SYT5: variants seen among roughly 807,000 people sequenced by gnomAD.
SYT5 encodes synaptotagmin-5.
SYT5 carries 29 observed loss-of-function variants against 36.0 expected under a neutral mutation model. The observed-to-expected ratio is 0.81, with a 90% CI of 0.60 to 1.10. The LOEUF is 1.10. Ranked by LOEUF, SYT5 falls within the 50% of genes least tolerant of loss-of-function variation. SYT5 has a pLI of 0.00. For missense variants in SYT5, 512 were observed against 516.0 expected (o/e 0.99, Z 0.08); for synonymous variants, 231 against 227.6 (o/e 1.02, Z -0.14).
In SYT5 at chr19:55,172,951, G is replaced by A. The variant is rs1456068862; in HGVS notation, c.*533C>T. ...AGGAATGAACGGGTGAGAGTGTGAG[G>A]GAGTCCATGGGGTCAGGCCAGTCTC... is the stretch of plus-strand genomic sequence containing the variant. On this transcript the variant is annotated 3_prime_UTR_variant, in exon 9 of 9. Transcript: ENST00000354308. The A allele has an allele frequency of 1.3e-5, 2 of 152,816 alleles. No homozygotes were observed. The highest frequency in any genetic ancestry group is 1.9e-4 in the East Asian group (1 of 5,212). The allele number at this position is 152,816 out of a possible 1,614,324, so 9.5% of individuals were successfully genotyped here.
chr19:55,174,825 A>G lies in SYT5; in HGVS notation c.826+57T>C, dbSNP rs576636523. The G allele has an allele frequency of 8.2e-6, 13 of 1,590,344 alleles. No homozygotes were observed. The African/African-American group carries it at 1.6e-4, about 20-fold the overall frequency. On this transcript the variant is annotated intron_variant, in intron 7 of 8. Coordinates refer to ENST00000354308, the MANE Select transcript of SYT5 (RefSeq NM_003180.3). ...ACCCTCGAGGCTCAGAAACTGTCAG[A>G]ACGAGAACCCACCCCACGCCATCCC... is the stretch of plus-strand genomic sequence containing the variant.
chr19:55,176,839 C>T (rs571743159), intron 3 of SYT5, among the ~76,000 whole-genome samples: 1 of 152,250 alleles, frequency 6.6e-6, no homozygotes, highest in South Asian at 2.1e-4. Context: ...TGAACAGCTC[C>T]TTATTGAGAA....
Position 55,174,558 on chromosome 19 carries a change from T to C in SYT5, c.919A>G (p.Asn307Asp). 6.2e-7 allele frequency: 1 copy of C among 1,614,100 alleles called. No individual in the cohort carries two copies. Residue 307 changes from asparagine to aspartate, a missense_variant, in exon 8 of 9, where the codon AAC (asparagine) becomes GAC (aspartate). By Grantham distance (23) the Asn-to-Asp change is conservative (BLOSUM62 1). Transcript: ENST00000354308. The part of the protein sequence containing the change: ...IKKNTLNPYY[N>D]EAFSFEVPCD... ...GGCACCTCGAAGCTGAAAGCTTCGT[T>C]GTAATAGGGGTTCAGAGTGTTCTTC... is the stretch of plus-strand genomic sequence containing the variant.
chr19:55,178,474 G>C (rs986894242), intron 2 of SYT5, 106 bp from the exon 3 acceptor site: 3 of 1,304,652 alleles, frequency 2.3e-6, no homozygotes, highest in African/African-American at 3.0e-5. Flanking sequence ...TTTCCCTCCA[G>C]CCATTTTCAT....
At position 55,179,504 on chromosome 19, in the gene SYT5, G is replaced by C. The variant is rs1398487144; in HGVS notation, c.-45-418C>G. On this transcript the variant is annotated intron_variant, in intron 1 of 8. Transcript: ENST00000354308. This position sits in a 1 kb window ranked among gnomAD's most constrained non-coding sequence, Gnocchi z 4.5. ...GGCGGGGCTGACGCACAGACGCGGA[G>C]TCCCGGCGGGGCAGGCTCGCTCCGG... 1.4e-5 allele frequency: 4 copies of C among 288,032 alleles called. No homozygotes were observed. The East Asian group carries it at 2.3e-4, about 17-fold the overall frequency. 17.8% of individuals were successfully genotyped at this position (288,032 alleles called of 1,614,324 possible). A position where few individuals can be genotyped will look rare whatever the true frequency, so the allele number is the denominator to read the frequency against.
rs56973053 is a variant in SYT5 at position 55,171,305 on chromosome 19, CCACACACACA to C, written c.*2169_*2178del. ...GTCTTCATAAAGACATGCTCTACAG[CCACACACACA>C]CACACACACACACACACACACACAC... On this transcript the variant is annotated 3_prime_UTR_variant, in exon 9 of 9. Transcript: ENST00000354308. The C allele has an allele frequency of 0.17, 25,368 of 145,182 alleles. 2,242 individuals carry two copies. Among genetic ancestry groups the C allele is most frequent in the African/African-American group, 0.23 (9,250 of 40,270 alleles). The allele number at this position is 145,182 out of a possible 1,614,324, so 9.0% of individuals were successfully genotyped here. A position where few individuals can be genotyped will look rare whatever the true frequency, so the allele number is the denominator to read the frequency against.
At position 55,175,984 on chromosome 19, in the gene SYT5, T is replaced by C. The variant is rs77500505; in HGVS notation, c.372+21A>G. On this transcript the variant is annotated intron_variant, in intron 4 of 8. Coordinates refer to ENST00000354308, the MANE Select transcript of SYT5 (RefSeq NM_003180.3). The surrounding 1 kb of genome is among the most constrained non-coding windows in gnomAD (Gnocchi z 4.5). ...ACCCCCGGGATCCTCCCTCCAAAGCTTCCCCTTCCTCCACACCCACCTGGC... is the reference window on the plus strand; with the variant it reads ...ACCCCCGGGATCCTCCCTCCAAAGCCTCCCCTTCCTCCACACCCACCTGGC... 6.2e-7 allele frequency: 1 copy of C among 1,613,790 alleles called. No homozygotes were observed. The highest frequency in any genetic ancestry group is 8.5e-7 in the Non-Finnish European group (1 of 1,179,960).
Position 55,173,854 on chromosome 19 carries a change from G to A in SYT5, c.961-170C>T, listed in dbSNP as rs1015875063. 3.4e-6 allele frequency: 2 copies of A among 581,020 alleles called. No homozygotes were observed. Among genetic ancestry groups the A allele is most frequent in the Non-Finnish European group, 5.3e-6 (2 of 379,040 alleles). The allele number at this position is 581,020 out of a possible 1,614,324, so 36.0% of individuals were successfully genotyped here. On this transcript the variant is annotated intron_variant, in intron 8 of 8. Coordinates refer to ENST00000354308, the MANE Select transcript of SYT5 (RefSeq NM_003180.3). The surrounding 1 kb of genome is among the most constrained non-coding windows in gnomAD (Gnocchi z 5.4). ...GGGAGACGAGAGGGACGGAGCCTGCGGCGAGGAGGAGGCTCTGGCGCCTTT... is the reference window on the plus strand; with the variant it reads ...GGGAGACGAGAGGGACGGAGCCTGCAGCGAGGAGGAGGCTCTGGCGCCTTT...
intron 2 of SYT5, 125 bp downstream of exon 2, chr19:55,178,838 A>G: frequency 9.8e-7 from 1 of 1,018,674 alleles, no homozygotes; most frequent in Non-Finnish European, 1.2e-6. Flanking sequence ...GTCCAGGATG[A>G]CGACCCGGGA....
chr19:55,179,563 C>A lies in SYT5; in HGVS notation c.-45-477G>T. The A allele has an allele frequency of 5.1e-6, 1 of 194,286 alleles. No homozygotes were observed. Among genetic ancestry groups the A allele is most frequent in the Non-Finnish European group, 1.0e-5 (1 of 95,788 alleles). 12.0% of individuals were successfully genotyped at this position (194,286 alleles called of 1,614,324 possible). A position where few individuals can be genotyped will look rare whatever the true frequency, so the allele number is the denominator to read the frequency against. On this transcript the variant is annotated intron_variant, in intron 1 of 8. Transcript: ENST00000354308. This position sits in a 1 kb window ranked among gnomAD's most constrained non-coding sequence, Gnocchi z 4.5. Reference sequence around the variant, plus strand: ...GGTGCCTGGGAACCCCCCAATAGCCCGACTGGGATCCTGAGGTCCCGCGAG... The same window carrying A: ...GGTGCCTGGGAACCCCCCAATAGCCAGACTGGGATCCTGAGGTCCCGCGAG...
intron 3 of SYT5, among the ~76,000 whole-genome samples, chr19:55,177,914 C>T (rs553034087): frequency 6.6e-6 from 1 of 152,318 alleles, no homozygotes; most frequent in African/African-American, 2.4e-5. Context: ...CTTTTCTGTG[C>T]TCCTATGAGA....
chr19:55,174,726 C>T lies in SYT5; in HGVS notation c.827-76G>A. ...ACCAACATAGAAACACTGCCTACAC[C>T]CTTCGGGTCTCCCTAGCTCTATGCC... is the stretch of plus-strand genomic sequence containing the variant. On this transcript the variant is annotated intron_variant, in intron 7 of 8. Coordinates refer to ENST00000354308, the MANE Select transcript of SYT5 (RefSeq NM_003180.3). 3 of 1,604,276 alleles carry T rather than the reference C, an allele frequency of 1.9e-6. No homozygotes were observed. The East Asian group carries it at 6.7e-5, about 36-fold the overall frequency.
Position 55,173,589 on chromosome 19 carries a change from A to G in SYT5, c.1056T>C (p.Ala352=). 6.8e-7 allele frequency: 1 copy of G among 1,478,488 alleles called. No individual in the cohort carries two copies. The highest frequency in any genetic ancestry group is 9.0e-7 in the Non-Finnish European group (1 of 1,115,672). 91.6% of individuals were successfully genotyped at this position (1,478,488 alleles called of 1,614,324 possible). A position where few individuals can be genotyped will look rare whatever the true frequency, so the allele number is the denominator to read the frequency against. Residue 352 remains alanine, a synonymous_variant, in exon 9 of 9, where the codon GCT becomes GCC. Transcript: ENST00000354308. This position sits in a 1 kb window ranked among gnomAD's most constrained non-coding sequence, Gnocchi z 5.4. ...RVAVGAAAGG[A]GLRHWADMLA... ...GCATGTCCGCCCAGTGCCGCAGGCC[A>G]GCCCCGCCGGCGGCCGCCCCCACGG... is the stretch of plus-strand genomic sequence containing the variant.
Position 55,175,716 on chromosome 19 carries a change from G to A in SYT5, c.533C>T (p.Ala178Val), listed in dbSNP as rs1196248310. 9 of 1,613,510 alleles carry A rather than the reference G, an allele frequency of 5.6e-6. No homozygotes were observed. Among genetic ancestry groups the A allele is most frequent in the Non-Finnish European group, 7.6e-6 (9 of 1,180,018 alleles). ...CTGAAGGCAGGAGCTCACCTTGAAG[G>A]CGAAGGTCTCCCCAAAGTGAGGGTT... ...TLNPHFGETF[A>V]FKVPYVELGG... Residue 178 changes from alanine (A) to valine (V), a missense_variant, in exon 5 of 9, where the codon GCC (alanine) becomes GTC (valine). By Grantham distance (64) the Ala-to-Val change is moderately conservative (BLOSUM62 0). Transcript: ENST00000354308. This position sits in a 1 kb window ranked among gnomAD's most constrained non-coding sequence, Gnocchi z 4.5.
intron 3 of SYT5, among the ~76,000 whole-genome samples, chr19:55,176,561 G>A (rs2147332019): frequency 6.6e-6 from 1 of 152,322 alleles, no homozygotes; most frequent in Non-Finnish European, 1.5e-5. Context: ...AAAGTTGAAT[G>A]AAAAAGCAGA....
In SYT5 at chr19:55,172,376, G is replaced by C. The variant is rs1599937759; in HGVS notation, c.*1108C>G. 6.6e-6 allele frequency: 1 copy of C among 151,466 alleles called. No homozygotes were observed. The highest frequency in any genetic ancestry group is 2.4e-5 in the African/African-American group (1 of 41,148). The allele number at this position is 151,466 out of a possible 1,614,324, so 9.4% of individuals were successfully genotyped here. A position where few individuals can be genotyped will look rare whatever the true frequency, so the allele number is the denominator to read the frequency against. On this transcript the variant is annotated 3_prime_UTR_variant, in exon 9 of 9. Coordinates refer to ENST00000354308, the MANE Select transcript of SYT5 (RefSeq NM_003180.3). ...GAGGAGCTTGCAGTGAGCCGAAATCGTGCCACTGCACTCCAGCCTGGGCGA... is the reference window on the plus strand; with the variant it reads ...GAGGAGCTTGCAGTGAGCCGAAATCCTGCCACTGCACTCCAGCCTGGGCGA...
chr19:55,179,271 AAAGGG>A lies in SYT5; in HGVS notation c.-45-190_-45-186del. On this transcript the variant is annotated intron_variant, in intron 1 of 8. Coordinates refer to ENST00000354308, the MANE Select transcript of SYT5 (RefSeq NM_003180.3). The surrounding 1 kb of genome is among the most constrained non-coding windows in gnomAD (Gnocchi z 4.5). The stretch of plus-strand genomic sequence containing the variant: ...GGTGTCCAGGACCTAGTTCCATCCT[AAAGGG>A]ATACCCTCTTCCTCCACGGCCCCAC... The A allele has an allele frequency of 1.4e-6, 2 of 1,408,202 alleles. No individual in the cohort carries two copies. The highest frequency in any genetic ancestry group is 1.8e-6 in the Non-Finnish European group (2 of 1,082,242). 87.2% of individuals were successfully genotyped at this position (1,408,202 alleles called of 1,614,324 possible). A position where few individuals can be genotyped will look rare whatever the true frequency, so the allele number is the denominator to read the frequency against.
chr19:55,173,927 T>C lies in SYT5; in HGVS notation c.961-243A>G. Reference sequence around the variant, plus strand: ...AAGGAAATGAACCCTCAGGACTCGGTTGCGGAGCGGGTGTGTTCGGCGCCT... The same window carrying C: ...AAGGAAATGAACCCTCAGGACTCGGCTGCGGAGCGGGTGTGTTCGGCGCCT... On this transcript the variant is annotated intron_variant, in intron 8 of 8. Transcript: ENST00000354308. This position sits in a 1 kb window ranked among gnomAD's most constrained non-coding sequence, Gnocchi z 5.4. The C allele has an allele frequency of 2.4e-6, 1 of 413,394 alleles. No individual in the cohort carries two copies. Among genetic ancestry groups the C allele is most frequent in the Non-Finnish European group, 4.2e-6 (1 of 239,454 alleles). The allele number at this position is 413,394 out of a possible 1,614,324, so 25.6% of individuals were successfully genotyped here. A position where few individuals can be genotyped will look rare whatever the true frequency, so the allele number is the denominator to read the frequency against.
At chr19:55,176,306 T>C (rs769133366) in intron 3 of SYT5, 182 bp from the exon 4 acceptor site, 9 of 754,488 alleles carry the variant, frequency 1.2e-5, no homozygotes, top group Admixed American at 2.9e-5. Flanking sequence ...GTAACACAGA[T>C]GCAGTATGTT....
Sources: allele counts gnomAD v4.1 joint callset (sites outside exome capture counted in the v4.1 genomes callset), GRCh38; gene constraint gnomAD v4.1.1; non-coding constraint Gnocchi (gnomAD v3.1); transcripts MANE v1.5; gene names NCBI Gene and HGNC (gene_info 2026-07-23, HGNC 2026-07-21).